The following FBXW11 variants were observed in gnomAD, a reference collection of about 807,000 sequenced individuals.
FBXW11 encodes F-box and WD repeat domain containing 11.
A neutral mutation model predicts 77.6 loss-of-function variants in FBXW11; 19 were observed. The observed-to-expected ratio is 0.24, with a 90% confidence interval of 0.17 to 0.36. The LOEUF (loss-of-function observed/expected upper bound fraction) is 0.36. Among genes scored for constraint, FBXW11 ranks in the 10% least tolerant of loss-of-function variants. The pLI is 1.00. For missense variants in FBXW11, 334 were observed against 704.2 expected (o/e 0.47, Z 5.95); for synonymous variants, 235 against 249.4 (o/e 0.94, Z 0.54).
intron 2 of FBXW11, among the ~76,000 whole-genome samples, chr5:171,941,391 TC>T (rs1276769756): frequency 6.6e-6 from 1 of 151,716 alleles, no homozygotes; most frequent in African/African-American, 2.4e-5. Flanking sequence ...AAATAACTCT[TC>T]CAGACTGAAA....
intron 2 of FBXW11, among the ~76,000 whole-genome samples, chr5:171,928,163 T>C (rs945720432): frequency 3.9e-5 from 6 of 152,052 alleles, no homozygotes; most frequent in Admixed American, 3.9e-4. Flanking sequence ...ATAGTAAAAA[T>C]GAGAGTGCAT....
Position 171,869,922 on chromosome 5 carries a change from G to T in FBXW11, c.1452-115C>A. ...CTGCCTATTTATAAAAGCTAATGGG[G>T]AACATGCTTATGTTTTTACAAATCA... On this transcript the variant is annotated intron_variant, in intron 11 of 13. Coordinates refer to ENST00000517395, the MANE Select transcript of FBXW11 (RefSeq NM_001378974.1). This position sits in a 1 kb window ranked among gnomAD's most constrained non-coding sequence, Gnocchi z 4.1. The T allele has an allele frequency of 1.9e-6, 1 of 526,414 alleles. No individual in the cohort carries two copies. Among genetic ancestry groups the T allele is most frequent in the Non-Finnish European group, 3.4e-6 (1 of 297,486 alleles). 32.6% of individuals were successfully genotyped at this position (526,414 alleles called of 1,614,324 possible).
At chr5:171,991,848 C>T (rs1443255034) in intron 1 of FBXW11, among the ~76,000 whole-genome samples, 1 of 152,162 alleles carries the variant, frequency 6.6e-6, no homozygotes, top group African/African-American at 2.4e-5. Context: ...GGGAGGTTGG[C>T]TCACATCTGT....
chr5:171,997,065 G>C, intron 1 of FBXW11: 1 of 1,289,820 alleles, frequency 7.8e-7, no homozygotes, highest in Non-Finnish European at 1.0e-6. Flanking sequence ...TTGAAAGACA[G>C]AAAGCAATCC....
intron 1 of FBXW11, among the ~76,000 whole-genome samples, chr5:171,973,842 A>G (rs1210211918): frequency 1.3e-5 from 2 of 152,222 alleles, no homozygotes; most frequent in Admixed American, 6.5e-5. Flanking sequence ...CTGTTCTAAA[A>G]ATAGACTATT....
chr5:171,959,857 A>AAAAAG lies in FBXW11; in HGVS notation c.46-2164_46-2160dup, dbSNP rs112222573. On this transcript the variant is annotated intron_variant, in intron 1 of 13. Coordinates refer to ENST00000517395, the MANE Select transcript of FBXW11 (RefSeq NM_001378974.1). Reference sequence around the variant, plus strand: ...TGAGCGAGACTGCCTCAAAAAAAAAAAAAAGAAAAGAAAAGAAAAGAAAAA... The same window carrying AAAAAG: ...TGAGCGAGACTGCCTCAAAAAAAAAAAAAAGAAAAGAAAAGAAAAGAAAAGAAAAA... 8.8e-3 allele frequency among the ~76,000 whole-genome samples: 1,154 copies of AAAAAG among 130,798 alleles called. 25 individuals are homozygous for AAAAAG. The highest frequency in any genetic ancestry group is 0.015 in the South Asian group (58 of 3,846). The allele number at this position is 130,798 out of a possible 152,430, so 85.8% of individuals were successfully genotyped here.
intron 2 of FBXW11, among the ~76,000 whole-genome samples, chr5:171,918,333 A>G (rs1329565632): frequency 1.3e-5 from 2 of 152,186 alleles, no homozygotes; most frequent in Non-Finnish European, 2.9e-5. Flanking sequence ...TATGGAAGCT[A>G]TAATTTTTTT....
intron 1 of FBXW11, among the ~76,000 whole-genome samples, chr5:172,001,443 A>G (rs1205001804): frequency 6.6e-6 from 1 of 152,234 alleles, no homozygotes; most frequent in Non-Finnish European, 1.5e-5. Context: ...ATCACCAGGA[A>G]AATTCAACCC....
intron 13 of FBXW11, among the ~76,000 whole-genome samples, chr5:171,866,503 G>A (rs1268586329): frequency 6.6e-6 from 1 of 152,122 alleles, no homozygotes; most frequent in Non-Finnish European, 1.5e-5. Flanking sequence ...AGGGCCTGGA[G>A]GAAGTAACAC....
intron 2 of FBXW11, among the ~76,000 whole-genome samples, chr5:171,922,595 ATCT>A (rs1480928799): frequency 2.0e-4 from 31 of 152,352 alleles, no homozygotes; most frequent in African/African-American, 6.5e-4. Context: ...TTGACTGGAA[ATCT>A]TCTCCCCTCT....
intron 1 of FBXW11, among the ~76,000 whole-genome samples, chr5:172,001,604 T>C (rs1354313492): frequency 6.6e-6 from 1 of 152,172 alleles, no homozygotes; most frequent in African/African-American, 2.4e-5. Context: ...AAGCCTGAAA[T>C]ATGTTAAGTG....
intron 1 of FBXW11, among the ~76,000 whole-genome samples, chr5:171,994,433 GT>G (rs1169019563): frequency 6.6e-6 from 1 of 152,112 alleles, no homozygotes; most frequent in Non-Finnish European, 1.5e-5. Context: ...AACGTTTTGA[GT>G]GCCAACGTGA....
chr5:171,946,974 C>A (rs1026718853), intron 2 of FBXW11, among the ~76,000 whole-genome samples: 20 of 152,032 alleles, frequency 1.3e-4, no homozygotes, highest in African/African-American at 4.8e-4. Flanking sequence ...GCCACCACGC[C>A]TGGCTAATTT....
chr5:171,979,104 G>A (rs1765007090), intron 1 of FBXW11, among the ~76,000 whole-genome samples: 1 of 152,034 alleles, frequency 6.6e-6, no homozygotes, highest in South Asian at 2.1e-4. Context: ...ACCATCCTGT[G>A]CAACATAGGG....
intron 2 of FBXW11, among the ~76,000 whole-genome samples, chr5:171,928,849 G>C (rs949983200): frequency 6.6e-6 from 1 of 152,196 alleles, no homozygotes; most frequent in African/African-American, 2.4e-5. Context: ...AAGGCAGGCA[G>C]ATCACTTGAG....
intron 3 of FBXW11, among the ~76,000 whole-genome samples, chr5:171,911,851 T>C (rs1372871069): frequency 6.6e-6 from 1 of 152,220 alleles, no homozygotes; most frequent in East Asian, 1.9e-4. Flanking sequence ...ACAACTACTA[T>C]GAAGTGCAGT....
chr5:171,879,781 T>G (rs902511740), intron 7 of FBXW11, among the ~76,000 whole-genome samples: 1 of 152,260 alleles, frequency 6.6e-6, no homozygotes, highest in African/African-American at 2.4e-5. Context: ...GTCTATGCCT[T>G]ATTTTTAAAA....
At chr5:171,946,113 G>T (rs933931831) in intron 2 of FBXW11, among the ~76,000 whole-genome samples, 1 of 152,184 alleles carries the variant, frequency 6.6e-6, no homozygotes, top group Non-Finnish European at 1.5e-5. Flanking sequence ...AAAGACTGGG[G>T]TTTCCCAGAG....
intron 1 of FBXW11, among the ~76,000 whole-genome samples, chr5:171,976,418 T>G (rs1385833460): frequency 6.6e-6 from 1 of 152,164 alleles, no homozygotes; most frequent in Non-Finnish European, 1.5e-5. Flanking sequence ...TATTCCCTCA[T>G]TCGACTGGGC....
Sources: gnomAD v4.1 joint callset for allele counts (sites outside exome capture counted in the v4.1 genomes callset) on GRCh38, gnomAD v4.1.1 for gene constraint, Gnocchi (gnomAD v3.1) non-coding constraint, MANE v1.5 for transcripts, NCBI Gene and HGNC (gene_info 2026-07-23, HGNC 2026-07-21) for gene names.